The following CCSER1 variants were observed in gnomAD, a reference collection of about 807,000 sequenced individuals.
CCSER1 encodes the protein serine-rich coiled-coil domain-containing protein 1.
A neutral mutation model predicts 82.0 loss-of-function variants in CCSER1; 41 were observed. That is an observed-to-expected ratio of 0.50 (90% CI 0.39 to 0.65). The LOEUF (loss-of-function observed/expected upper bound fraction) is 0.65. Ranked by LOEUF, CCSER1 falls within the 30% of genes least tolerant of loss-of-function variation. The pLI is 0.00. For synonymous variants in CCSER1, 414 were observed against 383.9 expected (o/e 1.08, Z -0.92); for missense variants, 1,119 against 1,064.2 (o/e 1.05, Z -0.72).
chr4:90,606,884 A>G (rs1784793717), intron 5 of CCSER1, among the ~76,000 whole-genome samples: 1 of 152,212 alleles, frequency 6.6e-6, no homozygotes, highest in Non-Finnish European at 1.5e-5. Context: ...ATTCACACTG[A>G]GGCTGGGCTT....
chr4:90,276,258 C>T (rs1456624044), intron 1 of CCSER1, among the ~76,000 whole-genome samples: 22 of 94,124 alleles, frequency 2.3e-4, no homozygotes, highest in African/African-American at 1.0e-3. Context: ...TTCTTTCCTT[C>T]CTTCCTTCCT....
chr4:90,945,700 G>C (rs986236601), intron 9 of CCSER1, among the ~76,000 whole-genome samples: 1 of 152,062 alleles, frequency 6.6e-6, no homozygotes, highest in Non-Finnish European at 1.5e-5. Flanking sequence ...CGCTTAGCTT[G>C]TTTGTATGAA....
At chr4:91,494,363 G>A (rs964613399) in intron 10 of CCSER1, among the ~76,000 whole-genome samples, 2 of 151,664 alleles carry the variant, frequency 1.3e-5, no homozygotes, top group Admixed American at 6.6e-5. Context: ...ATTTCTGCTC[G>A]TTAAGTTCAA....
chr4:90,142,276 A>G (rs958524383), intron 1 of CCSER1, among the ~76,000 whole-genome samples: 5 of 152,228 alleles, frequency 3.3e-5, no homozygotes, highest in African/African-American at 9.6e-5. Context: ...TGTTTATGCA[A>G]ATCTCAGCTG....
At chr4:90,840,940 A>G (rs1335452639) in intron 8 of CCSER1, among the ~76,000 whole-genome samples, 1 of 152,188 alleles carries the variant, frequency 6.6e-6, no homozygotes, top group Non-Finnish European at 1.5e-5. Context: ...AGTATCATGT[A>G]TTGCATAATA....
intron 10 of CCSER1, among the ~76,000 whole-genome samples, chr4:91,551,594 C>G (rs1762158761): frequency 6.6e-6 from 1 of 151,286 alleles, no homozygotes; most frequent in Admixed American, 6.6e-5. Context: ...TGTATAGGCT[C>G]TAAATGTTCC....
At chr4:91,053,754 A>G in intron 9 of CCSER1, among the ~76,000 whole-genome samples, 1 of 152,160 alleles carries the variant, frequency 6.6e-6, no homozygotes, top group East Asian at 1.9e-4. Context: ...CCCTCTTTCT[A>G]TGCAATTTTA....
chr4:90,455,058 T>C (rs1761994728), intron 4 of CCSER1, among the ~76,000 whole-genome samples: 1 of 152,188 alleles, frequency 6.6e-6, no homozygotes, highest in Non-Finnish European at 1.5e-5. Context: ...GGATTGCCCC[T>C]TGCAGCCTTT....
intron 10 of CCSER1, among the ~76,000 whole-genome samples, chr4:91,390,177 A>T (rs866478878): frequency 2.6e-5 from 4 of 152,058 alleles, no homozygotes; most frequent in Middle Eastern, 3.4e-3. Flanking sequence ...GTAGATTTTT[A>T]AAAAACTCAA....
intron 3 of CCSER1, among the ~76,000 whole-genome samples, chr4:90,336,593 T>G (rs1007267056): frequency 6.6e-6 from 1 of 152,196 alleles, no homozygotes; most frequent in African/African-American, 2.4e-5. Flanking sequence ...ATTTCCCTTA[T>G]CATTATGTGA....
At chr4:90,996,038 G>A (rs1431185797) in intron 9 of CCSER1, among the ~76,000 whole-genome samples, 1 of 151,774 alleles carries the variant, frequency 6.6e-6, no homozygotes, top group East Asian at 1.9e-4. Flanking sequence ...TCATTTTGAT[G>A]GAAATAATAT....
intron 9 of CCSER1, among the ~76,000 whole-genome samples, chr4:91,006,099 T>C (rs757688737): frequency 1.4e-4 from 22 of 152,210 alleles, no homozygotes; most frequent in Non-Finnish European, 2.4e-4. Flanking sequence ...CTTTTTTCTA[T>C]TTCTGTGAAG....
At chr4:90,605,060 G>A (rs1318903904) in intron 5 of CCSER1, among the ~76,000 whole-genome samples, 1 of 152,272 alleles carries the variant, frequency 6.6e-6, no homozygotes, top group Non-Finnish European at 1.5e-5. Context: ...TGCTGCTGCT[G>A]ACTCTTTGGG....
At chr4:91,587,964 T>G (rs1764079790) in intron 10 of CCSER1, among the ~76,000 whole-genome samples, 1 of 150,034 alleles carries the variant, frequency 6.7e-6, no homozygotes, top group South Asian at 2.1e-4. Flanking sequence ...ATTTATATTT[T>G]CAGTGAGCAA....
chr4:90,607,019 C>A (rs1784815290), intron 5 of CCSER1, among the ~76,000 whole-genome samples: 1 of 152,212 alleles, frequency 6.6e-6, no homozygotes, highest in Non-Finnish European at 1.5e-5. Context: ...TCCAGTAAAT[C>A]ATAATAATCA....
chr4:90,377,805 A>G (rs1748597665), intron 3 of CCSER1, among the ~76,000 whole-genome samples: 1 of 152,164 alleles, frequency 6.6e-6, no homozygotes, highest in Non-Finnish European at 1.5e-5. Context: ...ACAAAACATA[A>G]TTGGAAATAA....
intron 3 of CCSER1, among the ~76,000 whole-genome samples, chr4:90,363,468 G>A (rs1303147237): frequency 2.6e-5 from 4 of 152,040 alleles, no homozygotes; most frequent in African/African-American, 4.8e-5. Context: ...CAGATCTGTT[G>A]GGGGGTTCTC....
intron 10 of CCSER1, among the ~76,000 whole-genome samples, chr4:91,162,592 T>G (rs1731541616): frequency 6.6e-6 from 1 of 152,212 alleles, no homozygotes. Context: ...CTCTTAATTA[T>G]TGCCTCAATT....
chr4:90,170,286 C>T (rs1731382775), intron 1 of CCSER1, among the ~76,000 whole-genome samples: 1 of 151,946 alleles, frequency 6.6e-6, no homozygotes, highest in African/African-American at 2.4e-5. Context: ...GGCATCCAAA[C>T]AGATTCAACA....
Sources: allele counts gnomAD v4.1 joint callset (sites outside exome capture counted in the v4.1 genomes callset), GRCh38; gene constraint gnomAD v4.1.1; transcripts MANE v1.5; gene names NCBI Gene and HGNC (gene_info 2026-07-23, HGNC 2026-07-21).